Variants in FAM168A observed in about 807,000 individuals in gnomAD.
FAM168A encodes protein FAM168A.
Under a neutral mutation model 28.5 loss-of-function variants are expected in FAM168A, and 3 were observed. That is an observed-to-expected ratio of 0.11 (90% CI 0.05 to 0.27). The LOEUF is 0.27. Among genes scored for constraint, FAM168A ranks in the 10% least tolerant of loss-of-function variants. The probability of loss-of-function intolerance (pLI) is 1.00; values close to 1 mark genes in which losing one functional copy is unlikely to be tolerated. For synonymous variants in FAM168A, 122 were observed against 124.2 expected (o/e 0.98, Z 0.12); for missense variants, 222 against 311.5 (o/e 0.71, Z 2.16).
intron 1 of FAM168A, among the ~76,000 whole-genome samples, chr11:73,571,499 C>T (rs1359487271): frequency 3.7e-4 from 56 of 152,128 alleles, no homozygotes; most frequent in African/African-American, 1.0e-3. Flanking sequence ...CCGCCAGCCT[C>T]GGCCTCCTGA....
chr11:73,559,721 C>T (rs943705734), intron 1 of FAM168A, among the ~76,000 whole-genome samples: 1 of 152,148 alleles, frequency 6.6e-6, no homozygotes, highest in African/African-American at 2.4e-5. Context: ...ATGGTTGTTG[C>T]ACAACACTGG....
chr11:73,595,212 A>G (rs1389173452), intron 1 of FAM168A, among the ~76,000 whole-genome samples: 1 of 152,226 alleles, frequency 6.6e-6, no homozygotes, highest in South Asian at 2.1e-4. Flanking sequence ...AAATGCTCAC[A>G]TTAGATTACA....
At chr11:73,461,098 T>G (rs1867639203) in intron 2 of FAM168A, among the ~76,000 whole-genome samples, 1 of 151,920 alleles carries the variant, frequency 6.6e-6, no homozygotes, top group Non-Finnish European at 1.5e-5. Flanking sequence ...CAGGAGTAAA[T>G]CAGATACTGA....
At chr11:73,432,145 T>G (rs919318020) in intron 2 of FAM168A, among the ~76,000 whole-genome samples, 2 of 152,242 alleles carry the variant, frequency 1.3e-5, no homozygotes, top group Non-Finnish European at 2.9e-5. Context: ...CCACTGTGTA[T>G]ATGCCAGACT....
At chr11:73,571,383 T>C (rs1173513669) in intron 1 of FAM168A, among the ~76,000 whole-genome samples, 3 of 151,950 alleles carry the variant, frequency 2.0e-5, no homozygotes, top group Non-Finnish European at 2.9e-5. Flanking sequence ...GTGCCTGCGA[T>C]TGCAGGCGCG....
intron 2 of FAM168A, among the ~76,000 whole-genome samples, chr11:73,439,296 A>C (rs1271142794): frequency 6.6e-6 from 1 of 152,198 alleles, no homozygotes; most frequent in African/African-American, 2.4e-5. Flanking sequence ...GCTCCTCCTG[A>C]GGTAACAAGA....
chr11:73,578,393 T>A (rs373436756), intron 1 of FAM168A, among the ~76,000 whole-genome samples: 1 of 152,214 alleles, frequency 6.6e-6, no homozygotes, highest in Non-Finnish European at 1.5e-5. Flanking sequence ...TGGGTGTATA[T>A]GTATGTCAAA....
chr11:73,428,461 A>G (rs374082486), intron 3 of FAM168A, among the ~76,000 whole-genome samples: 2 of 152,224 alleles, frequency 1.3e-5, no homozygotes, highest in East Asian at 3.8e-4. Flanking sequence ...TTCACTGACA[A>G]TGCTTCCAAT....
At chr11:73,520,212 AT>A (rs560492931) in intron 1 of FAM168A, among the ~76,000 whole-genome samples, 73 of 146,732 alleles carry the variant, frequency 5.0e-4, no homozygotes, top group Admixed American at 2.7e-4. Context: ...TGCCCAGCTA[AT>A]TTTTTTTTTT....
chr11:73,457,737 A>G (rs1273279408), intron 2 of FAM168A, among the ~76,000 whole-genome samples: 2 of 137,962 alleles, frequency 1.4e-5, no homozygotes, highest in African/African-American at 6.2e-5. Context: ...AAAAAAAAAA[A>G]AAAAAAAAAA....
In FAM168A at chr11:73,487,379, C is replaced by A. The variant is rs76101877; in HGVS notation, c.-18-18887G>T. On this transcript the variant is annotated intron_variant, in intron 1 of 7. Transcript: ENST00000356467. ...TGATTTTCTCTCACTTCTCACCTTC[C>A]CCTAGGCCTTGAACCACTTACAGAC... 1.6e-3 allele frequency among the ~76,000 whole-genome samples: 242 copies of A among 152,244 alleles called. 2 individuals carry two copies. Among genetic ancestry groups the A allele is most frequent in the African/African-American group, 5.5e-3 (230 of 41,516 alleles).
chr11:73,445,419 C>CTCTCTCTCTTTTTTTTTTTTTTTTTT (rs776745757), intron 2 of FAM168A, among the ~76,000 whole-genome samples: 1 of 50,432 alleles, frequency 2.0e-5, no homozygotes, highest in African/African-American at 7.1e-5. Flanking sequence ...AAAAATGTCT[C>CTCTCTCTCTTTTTTTTTTTTTTTTTT]TTTTTTTTTT....
chr11:73,597,367 C>T (rs1264986318), intron 1 of FAM168A, among the ~76,000 whole-genome samples: 1 of 152,076 alleles, frequency 6.6e-6, no homozygotes, highest in African/African-American at 2.4e-5. Flanking sequence ...AGCCCCTCAC[C>T]CCCAACTCCT....
At chr11:73,547,035 C>A (rs1288171744) in intron 1 of FAM168A, among the ~76,000 whole-genome samples, 2 of 148,634 alleles carry the variant, frequency 1.3e-5, no homozygotes, top group Non-Finnish European at 3.0e-5. Flanking sequence ...ACCTGTAATC[C>A]TAGCACTGGG....
At chr11:73,544,634 A>G (rs1051214612) in intron 1 of FAM168A, among the ~76,000 whole-genome samples, 1 of 142,890 alleles carries the variant, frequency 7.0e-6, no homozygotes, top group South Asian at 2.1e-4. Context: ...ACATGAATGA[A>G]CCTTGAAAAA....
At position 73,405,435 on chromosome 11, in the gene FAM168A, A is replaced by G. The variant is rs1866488071; in HGVS notation, c.*1328T>C. 6.6e-6 allele frequency: 1 copy of G among 152,116 alleles called. No individual in the cohort carries two copies. The highest frequency in any genetic ancestry group is 2.4e-5 in the African/African-American group (1 of 41,414). 9.4% of individuals were successfully genotyped at this position (152,116 alleles called of 1,614,324 possible). A position where few individuals can be genotyped will look rare whatever the true frequency, so the allele number is the denominator to read the frequency against. On this transcript the variant is annotated 3_prime_UTR_variant, in exon 8 of 8. Coordinates refer to ENST00000356467, the MANE Select transcript of FAM168A (RefSeq NM_015159.3). ...TACAAAACCAAGCCAATCCGTCCCT[A>G]GGTAAATTTTTGTAAGCAAGGTGCC... is the stretch of plus-strand genomic sequence containing the variant.
chr11:73,518,403 T>A (rs1257782478), intron 1 of FAM168A, among the ~76,000 whole-genome samples: 2 of 149,434 alleles, frequency 1.3e-5, no homozygotes, highest in Non-Finnish European at 2.9e-5. Context: ...AAATTAAAAA[T>A]TAATTAAAAA....
At chr11:73,431,175 C>G (rs935251410) in intron 2 of FAM168A, among the ~76,000 whole-genome samples, 1 of 152,140 alleles carries the variant, frequency 6.6e-6, no homozygotes, top group African/African-American at 2.4e-5. Context: ...AACCCCGTCT[C>G]TACTAAAAAT....
chr11:73,457,405 AG>A (rs1867553480), intron 2 of FAM168A, among the ~76,000 whole-genome samples: 1 of 151,836 alleles, frequency 6.6e-6, no homozygotes, highest in Admixed American at 6.6e-5. Context: ...AAAAAAAAAA[AG>A]AAACAGGAAG....
Sources: allele counts gnomAD v4.1 joint callset (sites outside exome capture counted in the v4.1 genomes callset), GRCh38; gene constraint gnomAD v4.1.1; transcripts MANE v1.5; gene names NCBI Gene and HGNC (gene_info 2026-07-23, HGNC 2026-07-21).